COL6A2: variants seen among roughly 807,000 people sequenced by gnomAD.
COL6A2 encodes the protein collagen type VI alpha 2 chain, also known as collagen alpha-2(VI) chain.
In COL6A2, 90 loss-of-function variants were observed where a neutral mutation model predicts 124.9. The ratio of observed to expected loss-of-function variants is 0.72; its 90% CI spans 0.61 to 0.86. The LOEUF (loss-of-function observed/expected upper bound fraction) is 0.86. COL6A2 is among the 40% of genes least tolerant of loss of function. The pLI is 0.00. For missense variants in COL6A2, 1,607 were observed against 1,502.5 expected (o/e 1.07, Z -1.15); for synonymous variants, 793 against 618.2 (o/e 1.28, Z -4.19).
chr21:46,126,112 A>C lies in COL6A2; in HGVS notation c.2297A>C (p.Lys766Thr), dbSNP rs752128697. ...AIGIGDMFHE[K>T]HESENLYSIA... is the part of the protein sequence containing the mutation. Reference sequence around the variant, plus strand: ...GGCATCGGGGACATGTTCCACGAGAAGCACGAGAGTGAAAACCTCTACTCC... The same window carrying C: ...GGCATCGGGGACATGTTCCACGAGACGCACGAGAGTGAAAACCTCTACTCC... The change falls in exon 26 of 28, where the codon AAG becomes ACG. Residue 766 changes from lysine to threonine, a missense_variant. By Grantham distance (78) the Lys-to-Thr change is moderately conservative. Around this residue, in one of 3 missense-constraint regions of COL6A2, gnomAD observed 1,223 missense variants for 1,052.2 expected, o/e 1.16. Coordinates refer to ENST00000300527, the MANE Select transcript of COL6A2 (RefSeq NM_001849.4). 22 of 1,612,662 alleles carry C rather than the reference A, an allele frequency of 1.4e-5. No homozygotes were observed. The highest frequency in any genetic ancestry group is 8.8e-5 in the South Asian group (8 of 91,092).
chr21:46,129,904 G>A, intron 27 of COL6A2: 1 of 967,422 alleles, frequency 1.0e-6, no homozygotes, highest in Non-Finnish European at 1.2e-6. Context: ...GCCCAGCTGG[G>A]CTGCCGTGCG....
intron 27 of COL6A2, among the ~76,000 whole-genome samples, chr21:46,131,540 G>A (rs540152487): frequency 6.6e-6 from 1 of 152,286 alleles, no homozygotes; most frequent in East Asian, 1.9e-4. Flanking sequence ...GGGTCAGGCT[G>A]GGGGTGTCAG....
At position 46,106,939 on chromosome 21, in the gene COL6A2, A is replaced by G. The variant is rs556621294; in HGVS notation, c.-27-4511A>G. Among the ~76,000 whole-genome samples, 9 of 152,306 alleles carry G rather than the reference A, an allele frequency of 5.9e-5. No homozygotes were observed. In the East Asian group the frequency reaches 7.7e-4, roughly 13 times the overall value. On this transcript the variant is annotated intron_variant, in intron 1 of 27. Transcript: ENST00000300527. ...ACAAAAATGCAAAAAATTTTCTTGG[A>G]AACTTTAATTAAAATTGCATTCTAT...
At chr21:46,113,986 T>C in intron 4 of COL6A2, 22 bp from the exon 5 acceptor site, 1 of 1,611,898 alleles carries the variant, frequency 6.2e-7, no homozygotes, top group Non-Finnish European at 8.5e-7. Flanking sequence ...TGCAACCTTC[T>C]GTCTCTGCTT....
intron 1 of COL6A2, among the ~76,000 whole-genome samples, chr21:46,106,607 T>C (rs2078337318): frequency 6.6e-6 from 1 of 152,244 alleles, no homozygotes; most frequent in African/African-American, 2.4e-5. Context: ...AGATACTTCC[T>C]TTTCCTGGAG....
intron 23 of COL6A2, 129 bp from the exon 24 acceptor site, chr21:46,125,137 C>T (rs565340621): frequency 3.1e-4 from 332 of 1,074,200 alleles, no homozygotes; most frequent in Non-Finnish European, 4.1e-4. Flanking sequence ...GGACAGGACC[C>T]GCCAGCCTCC....
In COL6A2 at chr21:46,111,549, G is replaced by T; in HGVS notation, c.73G>T (p.Val25Phe). The T allele has an allele frequency of 6.2e-7, 1 of 1,612,948 alleles. No homozygotes were observed. Among genetic ancestry groups the T allele is most frequent in the Non-Finnish European group, 8.5e-7 (1 of 1,179,942 alleles). The change falls in exon 2 of 28, where the codon GTC becomes TTC. Residue 25 changes from valine to phenylalanine, a missense_variant. This residue lies in a region of COL6A2 where 342 missense variants were observed against 381.5 expected (regional missense o/e 0.90). Transcript: ENST00000300527. ...GGCCATCCAGGCCCAGCAGCAGGAG[G>T]TCATCTCGCCGGACACTACCGAGAG... is the stretch of plus-strand genomic sequence containing the variant. Reference protein sequence around the residue: ...LGAIQAQQQEVISPDTTERNN... With the variant: ...LGAIQAQQQEFISPDTTERNN...
chr21:46,132,425 G>C lies in COL6A2; in HGVS notation c.2933G>C (p.Ser978Thr), dbSNP rs1319090947. The change falls in exon 28 of 28, where the codon AGC becomes ACC. Residue 978 changes from serine (S) to threonine (T), a missense_variant. Coordinates refer to ENST00000300527, the MANE Select transcript of COL6A2 (RefSeq NM_001849.4). ...GTACCCACCGTGCTGGCCTTGGGCAGCGACGTGGACATGGACGTGCTCACC... is the reference window on the plus strand; with the variant it reads ...GTACCCACCGTGCTGGCCTTGGGCACCGACGTGGACATGGACGTGCTCACC... ...NVVPTVLALGSDVDMDVLTTL... is the reference protein window; with the variant it reads ...NVVPTVLALGTDVDMDVLTTL... 1 of 1,607,178 alleles carries C rather than the reference G, an allele frequency of 6.2e-7. No individual in the cohort carries two copies. Among genetic ancestry groups the C allele is most frequent in the Non-Finnish European group, 8.5e-7 (1 of 1,177,152 alleles).
In COL6A2 at chr21:46,132,231, C is replaced by CT; in HGVS notation, c.2741dup (p.Ser915LeufsTer78). On this transcript the variant is annotated frameshift_variant, in exon 28 of 28. Coordinates refer to ENST00000300527, the MANE Select transcript of COL6A2 (RefSeq NM_001849.4). LOFTEE classifies it high-confidence loss of function. ...TGGAGACCACACAATACCTGAACTC[C>CT]TTCTCGCACGTGGGCGCAGGCGTGG... 1 of 1,599,018 alleles carries CT rather than the reference C, an allele frequency of 6.3e-7. No individual in the cohort carries two copies. Among genetic ancestry groups the CT allele is most frequent in the East Asian group, 2.3e-5 (1 of 44,002 alleles).
chr21:46,127,881 C>T (rs1363748468), intron 27 of COL6A2, among the ~76,000 whole-genome samples: 1 of 152,160 alleles, frequency 6.6e-6, no homozygotes, highest in Non-Finnish European at 1.5e-5. Context: ...GTTAGTTAGC[C>T]CGTTGAGCGT....
chr21:46,107,409 T>C (rs1422396849), intron 1 of COL6A2, among the ~76,000 whole-genome samples: 2 of 152,128 alleles, frequency 1.3e-5, no homozygotes, highest in Non-Finnish European at 2.9e-5. Flanking sequence ...AAGAAGAAAA[T>C]AAAAATATTT....
In COL6A2 at chr21:46,132,243, G is replaced by A. The variant is rs111341650; in HGVS notation, c.2751G>A (p.Val917=). Reference sequence around the variant, plus strand: ...AATACCTGAACTCCTTCTCGCACGTGGGCGCAGGCGTGGTGCACGCCATCA... The same window carrying A: ...AATACCTGAACTCCTTCTCGCACGTAGGCGCAGGCGTGGTGCACGCCATCA... The part of the protein sequence containing the change: ...TTQYLNSFSH[V]GAGVVHAINA... Residue 917 remains valine (V), a synonymous_variant, in exon 28 of 28, where the codon GTG becomes GTA. Coordinates refer to ENST00000300527, the MANE Select transcript of COL6A2 (RefSeq NM_001849.4). 32 of 1,603,204 alleles carry A rather than the reference G, an allele frequency of 2.0e-5. No homozygotes were observed. Among genetic ancestry groups the A allele is most frequent in the Non-Finnish European group, 2.6e-5 (31 of 1,176,708 alleles).
chr21:46,120,595 G>A lies in COL6A2; in HGVS notation c.1395+18G>A, dbSNP rs2078548937. On this transcript the variant is annotated intron_variant, in intron 16 of 27. Coordinates refer to ENST00000300527, the MANE Select transcript of COL6A2 (RefSeq NM_001849.4). ...GAGCCAAGGTAGGGGAGCAGGGTGG[G>A]CCGCACCCCAAGGTAGGGGATCTGA... The A allele has an allele frequency of 2.8e-6, 4 of 1,453,898 alleles. No homozygotes were observed. The South Asian group carries it at 5.8e-5, about 21-fold the overall frequency. 90.1% of individuals were successfully genotyped at this position (1,453,898 alleles called of 1,614,324 possible). A position where few individuals can be genotyped will look rare whatever the true frequency, so the allele number is the denominator to read the frequency against.
intron 17 of COL6A2, among the ~76,000 whole-genome samples, 159 bp downstream of exon 17, chr21:46,121,282 C>T (rs1368763560): frequency 1.3e-5 from 2 of 152,172 alleles, no homozygotes; most frequent in East Asian, 1.9e-4. Context: ...ACCCCGAGTA[C>T]CTCATACCCA....
chr21:46,131,376 C>G (rs780199753), intron 27 of COL6A2, among the ~76,000 whole-genome samples: 11 of 152,214 alleles, frequency 7.2e-5, no homozygotes, highest in Non-Finnish European at 1.5e-4. Context: ...AGGGCAGAAC[C>G]CACCTGGGCT....
chr21:46,116,758 TTC>T lies in COL6A2; in HGVS notation c.955-6_955-5del. On this transcript the variant is annotated splice_polypyrimidine_tract_variant and intron_variant, in intron 9 of 27. Transcript: ENST00000300527. This position sits in a 1 kb window ranked among gnomAD's most constrained non-coding sequence, Gnocchi z 4.6. ...CGGGGCTAATGGAGTTCCCTCTTCC[TTC>T]TCTCTTCAGGGGGCCCCTGGCCTGG... The T allele has an allele frequency of 1.2e-6, 2 of 1,613,044 alleles. No homozygotes were observed. Among genetic ancestry groups the T allele is most frequent in the Non-Finnish European group, 1.7e-6 (2 of 1,179,996 alleles).
At position 46,116,956 on chromosome 21, in the gene COL6A2, C is replaced by CACACA; in HGVS notation, c.999+142_999+143insACACA. 1 of 813,328 alleles carries CACACA rather than the reference C, an allele frequency of 1.2e-6. No individual in the cohort carries two copies. The highest frequency in any genetic ancestry group is 2.0e-6 in the Non-Finnish European group (1 of 506,122). 50.4% of individuals were successfully genotyped at this position (813,328 alleles called of 1,614,324 possible). On this transcript the variant is annotated intron_variant, in intron 10 of 27. Coordinates refer to ENST00000300527, the MANE Select transcript of COL6A2 (RefSeq NM_001849.4). The surrounding 1 kb of genome is among the most constrained non-coding windows in gnomAD (Gnocchi z 4.6). ...ACACACACACACACACACACACACA[C>CACACA]GAACTTCAGCTCCTGCCACATCCCA...
chr21:46,113,932 A>G (rs2123620389), intron 4 of COL6A2, 76 bp from the exon 5 acceptor site: 1 of 1,231,488 alleles, frequency 8.1e-7, no homozygotes, highest in African/African-American at 1.5e-5. Context: ...CGTGGGCTAC[A>G]CGTTCTGAGA....
Position 46,101,439 on chromosome 21 carries a change from A to AT in COL6A2, c.-28+3272dup, listed in dbSNP as rs140322330. Among the ~76,000 whole-genome samples, 120 of 152,040 alleles carry AT rather than the reference A, an allele frequency of 7.9e-4. 1 individual carries two copies. The East Asian group carries it at 0.012, about 15-fold the overall frequency. ...AATTTTGGTGTAATCTGATTTATCT[A>AT]TTTTTTCTTATTGTCATACCCAAGA... On this transcript the variant is annotated intron_variant, in intron 1 of 27. Transcript: ENST00000300527.
Sources: gnomAD v4.1 joint callset for allele counts (sites outside exome capture counted in the v4.1 genomes callset) on GRCh38, gnomAD v4.1.1 for gene constraint, gnomAD v4.1.1 regional missense constraint, Gnocchi (gnomAD v3.1) non-coding constraint, MANE v1.5 for transcripts, NCBI Gene and HGNC (gene_info 2026-07-23, HGNC 2026-07-21) for gene names.